The following STXBP5L variants were observed in gnomAD, a reference collection of about 807,000 sequenced individuals.
STXBP5L encodes syntaxin-binding protein 5-like.
STXBP5L carries 65 observed loss-of-function variants against 144.5 expected under a neutral mutation model. The observed-to-expected ratio is 0.45, with a 90% confidence interval of 0.37 to 0.55. The LOEUF (loss-of-function observed/expected upper bound fraction) is 0.55. Ranked by LOEUF, STXBP5L falls within the 20% of genes least tolerant of loss-of-function variation. STXBP5L has a pLI of 0.00. For synonymous variants in STXBP5L, 505 were observed against 469.6 expected, an observed-to-expected ratio of 1.08 and a Z score of -0.97; for missense variants, 1,298 against 1,405.5, an observed-to-expected ratio of 0.92 and a Z score of 1.22.
At chr3:121,209,885 A>G (rs997041170) in intron 10 of STXBP5L, among the ~76,000 whole-genome samples, 8 of 152,234 alleles carry the variant, frequency 5.3e-5, no homozygotes, top group African/African-American at 1.2e-4. Context: ...TAGTGCTGCA[A>G]TAAACATAAC....
intron 9 of STXBP5L, among the ~76,000 whole-genome samples, chr3:121,173,511 C>A (rs984791626): frequency 1.3e-5 from 2 of 151,814 alleles, no homozygotes; most frequent in African/African-American, 2.4e-5. Context: ...CAACTCCCCA[C>A]CATGCAGTAA....
intron 20 of STXBP5L, among the ~76,000 whole-genome samples, chr3:121,362,681 T>A (rs772718100): frequency 2.6e-4 from 40 of 152,084 alleles, no homozygotes; most frequent in Non-Finnish European, 4.9e-4. Context: ...CTAAGAGTCA[T>A]GTCCTGGAAT....
At chr3:121,007,853 C>T (rs1013298711) in intron 3 of STXBP5L, among the ~76,000 whole-genome samples, 3 of 151,978 alleles carry the variant, frequency 2.0e-5, no homozygotes, top group Admixed American at 2.0e-4. Context: ...TCTTTTACTA[C>T]ACAGTTACTC....
intron 3 of STXBP5L, among the ~76,000 whole-genome samples, chr3:121,033,450 T>C (rs1190239080): frequency 7.5e-6 from 1 of 133,430 alleles, no homozygotes; most frequent in Non-Finnish European, 1.6e-5. Flanking sequence ...AGGGATAGCA[T>C]TGGGAGATAT....
chr3:121,333,655 A>G (rs1468239535), intron 20 of STXBP5L, among the ~76,000 whole-genome samples: 1 of 152,126 alleles, frequency 6.6e-6, no homozygotes, highest in Non-Finnish European at 1.5e-5. Flanking sequence ...GTAAAAGAGA[A>G]GATTCAAATA....
intron 20 of STXBP5L, among the ~76,000 whole-genome samples, chr3:121,335,680 A>AT (rs1246630601): frequency 7.9e-5 from 12 of 151,260 alleles, no homozygotes; most frequent in African/African-American, 2.9e-4. Flanking sequence ...TGGACTCCTT[A>AT]TTCAATAAAT....
intron 5 of STXBP5L, among the ~76,000 whole-genome samples, chr3:121,109,880 A>C (rs2043898621): frequency 6.6e-6 from 1 of 152,178 alleles, no homozygotes; most frequent in Admixed American, 6.5e-5. Flanking sequence ...TTGTTTTATA[A>C]ATTTCGTTGC....
At chr3:121,113,666 C>CTTTTTTT (rs1273804231) in intron 5 of STXBP5L, among the ~76,000 whole-genome samples, 130 of 132,850 alleles carry the variant, frequency 9.8e-4, no homozygotes, top group African/African-American at 3.0e-3. Context: ...ATTCTTTTTT[C>CTTTTTTT]TTTTTCTTTT....
At chr3:121,097,281 G>C (rs1276731458) in intron 5 of STXBP5L, among the ~76,000 whole-genome samples, 1 of 152,128 alleles carries the variant, frequency 6.6e-6, no homozygotes, top group Non-Finnish European at 1.5e-5. Flanking sequence ...AGACCACTTG[G>C]CTCCCTGACT....
chr3:121,233,828 T>A, intron 12 of STXBP5L, 140 bp downstream of exon 12: 1 of 635,926 alleles, frequency 1.6e-6, no homozygotes, highest in Non-Finnish European at 2.4e-6. Flanking sequence ...GGTTCAATGG[T>A]GAAAATTAAA....
At chr3:121,327,818 A>G (rs2044200060) in intron 20 of STXBP5L, among the ~76,000 whole-genome samples, 1 of 152,230 alleles carries the variant, frequency 6.6e-6, no homozygotes, top group African/African-American at 2.4e-5. Context: ...GAATCTAACA[A>G]GTCCGTGGGC....
chr3:120,935,605 C>G (rs1217519748), intron 2 of STXBP5L, among the ~76,000 whole-genome samples: 1 of 151,990 alleles, frequency 6.6e-6, no homozygotes, highest in Non-Finnish European at 1.5e-5. Context: ...GGTTATTTCT[C>G]CTTCCCTTTT....
intron 18 of STXBP5L, among the ~76,000 whole-genome samples, chr3:121,275,709 A>G (rs2050860246): frequency 6.6e-6 from 1 of 152,078 alleles, no homozygotes; most frequent in Admixed American, 6.5e-5. Flanking sequence ...TTGAAGCTTT[A>G]TTATAAGATG....
intron 22 of STXBP5L, among the ~76,000 whole-genome samples, chr3:121,384,498 T>G (rs1403155276): frequency 6.6e-6 from 1 of 152,056 alleles, no homozygotes; most frequent in Non-Finnish European, 1.5e-5. Flanking sequence ...ACCCTGTCTC[T>G]AGAAAAAAAA....
chr3:120,990,781 A>T (rs1481331334), intron 3 of STXBP5L, among the ~76,000 whole-genome samples: 1 of 152,248 alleles, frequency 6.6e-6, no homozygotes, highest in Non-Finnish European at 1.5e-5. Context: ...AGCCATATGT[A>T]GAAAGCTGAA....
intron 19 of STXBP5L, among the ~76,000 whole-genome samples, chr3:121,314,311 A>G (rs2043692799): frequency 7.0e-6 from 1 of 142,780 alleles, no homozygotes; most frequent in South Asian, 2.5e-4. Context: ...ACCATTGAGC[A>G]CTGAGTGAAC....
chr3:121,071,297 T>TTAGTTATC (rs2041802434), intron 5 of STXBP5L, among the ~76,000 whole-genome samples: 1 of 152,196 alleles, frequency 6.6e-6, no homozygotes, highest in African/African-American at 2.4e-5. Context: ...TAACCCGCAT[T>TTAGTTATC]TAGTTATCTA....
At chr3:121,170,321 C>T (rs961620062) in intron 9 of STXBP5L, among the ~76,000 whole-genome samples, 1 of 151,920 alleles carries the variant, frequency 6.6e-6, no homozygotes, top group Non-Finnish European at 1.5e-5. Context: ...CAAAAGCTAG[C>T]AGAAGACAAG....
At chr3:121,050,534 T>C (rs1947887934) in intron 5 of STXBP5L, among the ~76,000 whole-genome samples, 1 of 152,056 alleles carries the variant, frequency 6.6e-6, no homozygotes, top group African/African-American at 2.4e-5. Flanking sequence ...AAGCAAATGC[T>C]GAGAGATTTT....
Sources: gnomAD v4.1 joint callset for allele counts (sites outside exome capture counted in the v4.1 genomes callset) on GRCh38, gnomAD v4.1.1 for gene constraint, MANE v1.5 for transcripts, NCBI Gene and HGNC (gene_info 2026-07-23, HGNC 2026-07-21) for gene names.